ITGA8: variants seen among roughly 807,000 people sequenced by gnomAD.
The protein encoded by ITGA8 is integrin subunit alpha 8, also known as integrin alpha-8.
ITGA8 carries 91 observed loss-of-function variants against 142.3 expected under a neutral mutation model. That is an observed-to-expected ratio of 0.64 (90% CI 0.54 to 0.76). ITGA8 has a LOEUF of 0.76. ITGA8 is among the 30% of genes least tolerant of loss of function. The pLI is 0.00. For missense variants in ITGA8, 1,406 were observed against 1,327.7 expected (o/e 1.06, Z -0.92); for synonymous variants, 505 against 485.2 (o/e 1.04, Z -0.54).
chr10:15,677,601 A>G lies in ITGA8; in HGVS notation c.667T>C (p.Tyr223His). ...DLIVGGPGSF[Y>H]WQGQVITASV... The stretch of plus-strand genomic sequence containing the variant: ...TGCCAACAGAACATACCTTGCCAGT[A>G]GAAACTCCCAGGTCCTCCCACAATA... Residue 223 changes from tyrosine (Y) to histidine (H), a missense_variant, in exon 6 of 30, where the codon TAC becomes CAC. By Grantham distance (83) the Tyr-to-His change is moderately conservative (BLOSUM62 2). Transcript: ENST00000378076. 1 of 1,613,576 alleles carries G rather than the reference A, an allele frequency of 6.2e-7. No individual in the cohort carries two copies. Among genetic ancestry groups the G allele is most frequent in the South Asian group, 1.1e-5 (1 of 91,008 alleles).
chr10:15,607,954 C>A, intron 16 of ITGA8, 123 bp from the exon 17 acceptor site: 2 of 810,252 alleles, frequency 2.5e-6, no homozygotes, highest in Admixed American at 2.5e-5. Flanking sequence ...TGAGACCAAG[C>A]ATGATAAATG....
At position 15,643,908 on chromosome 10, in the gene ITGA8, T is replaced by C. The variant is rs901805361; in HGVS notation, c.1399+122A>G. On this transcript the variant is annotated intron_variant, in intron 13 of 29. Transcript: ENST00000378076. ...TGGAATCGTACATTAAAAAAGCCTG[T>C]GGCATGCTTAAGCTTCAGCCTCATC... The C allele has an allele frequency of 1.9e-5, 15 of 776,178 alleles. No homozygotes were observed. The African/African-American group carries it at 2.3e-4, about 12-fold the overall frequency. The allele number at this position is 776,178 out of a possible 1,614,324, so 48.1% of individuals were successfully genotyped here. A position where few individuals can be genotyped will look rare whatever the true frequency, so the allele number is the denominator to read the frequency against.
At chr10:15,634,913 T>A (rs912936761) in intron 13 of ITGA8, among the ~76,000 whole-genome samples, 2 of 152,078 alleles carry the variant, frequency 1.3e-5, no homozygotes, top group Non-Finnish European at 2.9e-5. Flanking sequence ...GGTCTACTAT[T>A]TTTTTGCAAC....
intron 13 of ITGA8, among the ~76,000 whole-genome samples, chr10:15,640,899 A>G (rs1050075023): frequency 2.0e-5 from 3 of 152,214 alleles, no homozygotes; most frequent in Non-Finnish European, 4.4e-5. Context: ...AGCTTGAGCA[A>G]TGCCCCAAAG....
chr10:15,665,112 A>T (rs561130608), intron 8 of ITGA8, among the ~76,000 whole-genome samples: 1 of 152,284 alleles, frequency 6.6e-6, no homozygotes, highest in South Asian at 2.1e-4. Flanking sequence ...CAATGGTTGA[A>T]CTAGTTTACA....
chr10:15,535,934 C>G (rs1280796807), intron 27 of ITGA8, among the ~76,000 whole-genome samples: 2 of 152,016 alleles, frequency 1.3e-5, no homozygotes, highest in Non-Finnish European at 2.9e-5. Flanking sequence ...GCCAACCAGA[C>G]CACAAACCCA....
chr10:15,542,254 G>A (rs1833583750), intron 27 of ITGA8, among the ~76,000 whole-genome samples: 1 of 152,210 alleles, frequency 6.6e-6, no homozygotes, highest in East Asian at 1.9e-4. Context: ...TTTTAAAACA[G>A]TGCTGCTGCA....
At chr10:15,550,403 T>C (rs1005978758) in intron 26 of ITGA8, among the ~76,000 whole-genome samples, 2 of 152,350 alleles carry the variant, frequency 1.3e-5, no homozygotes, top group Middle Eastern at 3.4e-3. Context: ...TGTTGACCTG[T>C]GCTTCACGGC....
chr10:15,690,663 C>G (rs1309368713), intron 2 of ITGA8, among the ~76,000 whole-genome samples: 2 of 152,220 alleles, frequency 1.3e-5, no homozygotes, highest in Non-Finnish European at 2.9e-5. Context: ...TTGGCTATGT[C>G]TTCTCACTGT....
chr10:15,585,476 A>G (rs1014962696), intron 23 of ITGA8, among the ~76,000 whole-genome samples: 2 of 152,354 alleles, frequency 1.3e-5, no homozygotes, highest in African/African-American at 2.4e-5. Context: ...GGCAGGACCC[A>G]TGGCAGCACT....
intron 2 of ITGA8, among the ~76,000 whole-genome samples, chr10:15,705,539 G>GTC (rs1164843975): frequency 3.9e-5 from 6 of 152,108 alleles, no homozygotes; most frequent in African/African-American, 9.6e-5. Flanking sequence ...CCTGACTATG[G>GTC]TCTCTCTCTC....
chr10:15,644,662 G>C (rs1833944928), intron 12 of ITGA8, among the ~76,000 whole-genome samples: 1 of 149,756 alleles, frequency 6.7e-6, no homozygotes, highest in East Asian at 2.0e-4. Context: ...ACAGAAGAAT[G>C]GTTCAGAAAT....
At position 15,561,237 on chromosome 10, in the gene ITGA8, A is replaced by ATATG. The variant is rs1554772735; in HGVS notation, c.2638-3036_2638-3035insCATA. Among the ~76,000 whole-genome samples, 245 of 78,862 alleles carry ATATG rather than the reference A, an allele frequency of 3.1e-3. 2 individuals are homozygous for ATATG. Among genetic ancestry groups the ATATG allele is most frequent in the African/African-American group, 0.02 (225 of 11,224 alleles). The allele number at this position is 78,862 out of a possible 152,430, so 51.7% of individuals were successfully genotyped here. A position where few individuals can be genotyped will look rare whatever the true frequency, so the allele number is the denominator to read the frequency against. On this transcript the variant is annotated intron_variant, in intron 25 of 29. Transcript: ENST00000378076. ...TATATATATATATATATATATATGTATATATATATATATATATGTATGTAA... is the reference window on the plus strand; with the variant it reads ...TATATATATATATATATATATATGTATATGTATATATATATATATATGTATGTAA...
At position 15,544,755 on chromosome 10, in the gene ITGA8, G is replaced by A. The variant is rs942961780; in HGVS notation, c.2880+3700C>T. 2.0e-5 allele frequency among the ~76,000 whole-genome samples: 3 copies of A among 152,198 alleles called. No homozygotes were observed. In the East Asian group the frequency reaches 5.8e-4, roughly 29 times the overall value. On this transcript the variant is annotated intron_variant, in intron 27 of 29. Transcript: ENST00000378076. The stretch of plus-strand genomic sequence containing the variant: ...CCTACTGAATGAATATGACTGATAT[G>A]TGCAAATGATAGGGCATTGTGGAAA...
At chr10:15,559,211 C>T (rs1037162383) in intron 25 of ITGA8, among the ~76,000 whole-genome samples, 5 of 152,244 alleles carry the variant, frequency 3.3e-5, no homozygotes, top group Non-Finnish European at 5.9e-5. Flanking sequence ...TCCTCACATG[C>T]TGGCCTTGGC....
intron 15 of ITGA8, 118 bp from the exon 16 acceptor site, chr10:15,608,408 CA>C (rs1833236862): frequency 5.3e-6 from 3 of 561,182 alleles, no homozygotes; most frequent in East Asian, 3.2e-5. Context: ...TAATTACACA[CA>C]CACACACACA....
At chr10:15,700,893 T>G (rs1397074367) in intron 2 of ITGA8, among the ~76,000 whole-genome samples, 1 of 152,200 alleles carries the variant, frequency 6.6e-6, no homozygotes, top group Admixed American at 6.5e-5. Flanking sequence ...GAGATGATCG[T>G]ATTGGCATGT....
At position 15,675,902 on chromosome 10, in the gene ITGA8, TG is replaced by T. The variant is rs1210415540; in HGVS notation, c.676+1689del. Among the ~76,000 whole-genome samples, 7 of 152,224 alleles carry T rather than the reference TG, an allele frequency of 4.6e-5. 1 individual carries two copies. The highest frequency in any genetic ancestry group is 1.5e-5 in the Non-Finnish European group (1 of 68,040). Reference sequence around the variant, plus strand: ...TCAGACAAATGCTTGTATATGCCATTGCTATGGTAAATTTTCAGCAAATCAT... The same window carrying T: ...TCAGACAAATGCTTGTATATGCCATTCTATGGTAAATTTTCAGCAAATCAT... On this transcript the variant is annotated intron_variant, in intron 6 of 29. Transcript: ENST00000378076.
intron 2 of ITGA8, among the ~76,000 whole-genome samples, chr10:15,688,571 C>T (rs1428462373): frequency 2.6e-5 from 4 of 152,162 alleles, no homozygotes; most frequent in African/African-American, 9.7e-5. Flanking sequence ...GGCTAATATC[C>T]TTGATAAACA....
Sources: allele counts gnomAD v4.1 joint callset (sites outside exome capture counted in the v4.1 genomes callset), GRCh38; gene constraint gnomAD v4.1.1; transcripts MANE v1.5; gene names NCBI Gene and HGNC (gene_info 2026-07-23, HGNC 2026-07-21).